USH2A: variants seen among roughly 807,000 people sequenced by gnomAD.
USH2A encodes the protein usherin, also known as Usher syndrome 2A (autosomal recessive, mild).
A neutral mutation model predicts 538.9 loss-of-function variants in USH2A; 443 were observed. The observed-to-expected ratio is 0.82, with a 90% CI of 0.76 to 0.89. The LOEUF is 0.89. Among genes scored for constraint, USH2A ranks in the 40% least tolerant of loss-of-function variants. USH2A has a pLI of 0.00. For missense variants in USH2A, 6,633 were observed against 6,324.8 expected (o/e 1.05, Z -1.65); for synonymous variants, 2,413 against 2,273.5 (o/e 1.06, Z -1.75).
At chr1:216,216,774 A>G (rs759571428) in intron 15 of USH2A, among the ~76,000 whole-genome samples, 11 of 152,182 alleles carry the variant, frequency 7.2e-5, no homozygotes, top group Non-Finnish European at 1.2e-4. Flanking sequence ...ATGTAATCTT[A>G]GGCTTTAAGG....
chr1:215,724,220 A>AACACAC (rs3049512), intron 61 of USH2A, among the ~76,000 whole-genome samples: 33 of 147,832 alleles, frequency 2.2e-4, no homozygotes, highest in African/African-American at 7.8e-4. Context: ...TAGAATGTGA[A>AACACAC]ACACACACAC....
intron 59 of USH2A, among the ~76,000 whole-genome samples, chr1:215,742,551 T>C (rs1660335641): frequency 6.6e-6 from 1 of 152,130 alleles, no homozygotes; most frequent in Admixed American, 6.6e-5. Context: ...GATGTATAGC[T>C]CTCTTGATTC....
intron 4 of USH2A, among the ~76,000 whole-genome samples, chr1:216,332,885 C>T (rs1240606136): frequency 6.6e-6 from 1 of 152,026 alleles, no homozygotes; most frequent in African/African-American, 2.4e-5. Context: ...AGATTTGCTA[C>T]ACTATGTGTT....
intron 11 of USH2A, among the ~76,000 whole-genome samples, chr1:216,256,121 G>A (rs1295228647): frequency 1.3e-5 from 2 of 151,932 alleles, no homozygotes; most frequent in African/African-American, 2.4e-5. Flanking sequence ...ACCTAGTTGT[G>A]TCTTATACTT....
intron 61 of USH2A, among the ~76,000 whole-genome samples, chr1:215,685,751 G>A (rs1658405589): frequency 6.6e-6 from 1 of 151,904 alleles, no homozygotes; most frequent in South Asian, 2.1e-4. Flanking sequence ...TGGTTCACTT[G>A]GCATGAGACT....
intron 14 of USH2A, among the ~76,000 whole-genome samples, chr1:216,223,262 G>T (rs145376038): frequency 2.4e-3 from 359 of 152,212 alleles, no homozygotes; most frequent in African/African-American, 8.3e-3. Flanking sequence ...ATGTCCAGTT[G>T]CATGTTATTC....
intron 59 of USH2A, among the ~76,000 whole-genome samples, chr1:215,741,950 C>T (rs1182917317): frequency 2.6e-5 from 4 of 152,116 alleles, no homozygotes; most frequent in Non-Finnish European, 5.9e-5. Flanking sequence ...AACTCATGAA[C>T]ATTATTCAAA....
intron 49 of USH2A, among the ~76,000 whole-genome samples, chr1:215,806,487 C>G (rs17622971): frequency 0.11 from 16,914 of 152,084 alleles, 1,208 homozygotes; most frequent in South Asian, 0.22. Flanking sequence ...GGGGCAAAAA[C>G]TGCTCAGATG....
chr1:215,975,083 A>T (rs190963061), intron 35 of USH2A, among the ~76,000 whole-genome samples: 7 of 152,232 alleles, frequency 4.6e-5, no homozygotes, highest in Admixed American at 4.6e-4. Flanking sequence ...CAATTCTCTG[A>T]TGATTAGTGA....
In USH2A at chr1:215,764,171, C is replaced by A. The variant is rs548628797; in HGVS notation, c.11047+2510G>T. On this transcript the variant is annotated intron_variant, in intron 56 of 71. Coordinates refer to ENST00000307340, the MANE Select transcript of USH2A (RefSeq NM_206933.4). ...TTAGTATTTGGTAGCTCTCAGCCTT[C>A]ATTAGGAGATAAAGCCAGTACTCGA... Among the ~76,000 whole-genome samples, 4 of 152,144 alleles carry A rather than the reference C, an allele frequency of 2.6e-5. No homozygotes were observed. In the East Asian group the frequency reaches 7.7e-4, roughly 29 times the overall value.
chr1:215,960,622 A>G (rs1345983543), intron 37 of USH2A, among the ~76,000 whole-genome samples: 1 of 152,078 alleles, frequency 6.6e-6, no homozygotes, highest in Non-Finnish European at 1.5e-5. Flanking sequence ...AATTGAATAG[A>G]TGTTTCAAAT....
At chr1:216,048,702 G>C (rs1009843566) in intron 30 of USH2A, 55 bp from the exon 31 acceptor site, 2 of 1,414,812 alleles carry the variant, frequency 1.4e-6, no homozygotes, top group Non-Finnish European at 2.0e-6. Context: ...CATCAATAAA[G>C]AGCATTGTGT....
At chr1:215,906,319 C>T (rs540361574) in intron 38 of USH2A, among the ~76,000 whole-genome samples, 5 of 152,072 alleles carry the variant, frequency 3.3e-5, no homozygotes, top group South Asian at 4.2e-4. Flanking sequence ...ATTTCTAATC[C>T]TCAGAATTAC....
chr1:215,963,245 A>T (rs1169199052), intron 37 of USH2A, among the ~76,000 whole-genome samples: 1 of 151,970 alleles, frequency 6.6e-6, no homozygotes, highest in Non-Finnish European at 1.5e-5. Flanking sequence ...AGCCATGCAG[A>T]CCTCCCTACC....
At chr1:216,400,876 C>T (rs2039292822) in intron 3 of USH2A, among the ~76,000 whole-genome samples, 1 of 152,086 alleles carries the variant, frequency 6.6e-6, no homozygotes, top group Non-Finnish European at 1.5e-5. Flanking sequence ...TCAAGACACT[C>T]TCAGATGAGT....
In USH2A at chr1:216,147,127, C is replaced by T. The variant is rs2033722256; in HGVS notation, c.4627+28125G>A. ...ACTCATCCCAAATCTTCCTTCTTTC[C>T]CTCCTGCCTGTCCCCTCAGTACCAA... On this transcript the variant is annotated intron_variant, in intron 21 of 71. Transcript: ENST00000307340. Among the ~76,000 whole-genome samples, 6 of 152,070 alleles carry T rather than the reference C, an allele frequency of 3.9e-5. No homozygotes were observed. In the South Asian group the frequency reaches 1.2e-3, roughly 32 times the overall value.
intron 58 of USH2A, among the ~76,000 whole-genome samples, chr1:215,746,976 C>T (rs1401827247): frequency 3.3e-5 from 5 of 152,096 alleles, no homozygotes; most frequent in Non-Finnish European, 2.9e-5. Flanking sequence ...TCTAAAAGTT[C>T]AAGATTAGAG....
At chr1:215,985,900 G>A (rs1045281209) in intron 35 of USH2A, among the ~76,000 whole-genome samples, 9 of 152,124 alleles carry the variant, frequency 5.9e-5, no homozygotes, top group East Asian at 1.9e-4. Flanking sequence ...AAGGTACTAC[G>A]TGTAAGTCTA....
intron 27 of USH2A, among the ~76,000 whole-genome samples, chr1:216,073,974 T>A (rs902171107): frequency 6.6e-6 from 1 of 152,186 alleles, no homozygotes; most frequent in Non-Finnish European, 1.5e-5. Flanking sequence ...CAGTTTTACA[T>A]CCCCATTAGC....
Sources: allele counts gnomAD v4.1 joint callset (sites outside exome capture counted in the v4.1 genomes callset), GRCh38; gene constraint gnomAD v4.1.1; transcripts MANE v1.5; gene names NCBI Gene and HGNC (gene_info 2026-07-23, HGNC 2026-07-21).